TACR3: variants seen among roughly 807,000 people sequenced by gnomAD.
The protein encoded by TACR3 is tachykinin receptor 3.
Under a neutral mutation model 35.0 loss-of-function variants are expected in TACR3, and 34 were observed. The ratio of observed to expected loss-of-function variants is 0.97; its 90% confidence interval spans 0.74 to 1.30. TACR3 has a LOEUF of 1.30. TACR3 is among the 50% of genes most tolerant of loss of function. The pLI is 0.00. For missense variants in TACR3, 558 were observed against 591.7 expected, an observed-to-expected ratio of 0.94 and a Z score of 0.59; for synonymous variants, 233 against 221.1, an observed-to-expected ratio of 1.05 and a Z score of -0.48.
intron 1 of TACR3, among the ~76,000 whole-genome samples, chr4:103,695,572 T>C (rs1722503845): frequency 6.6e-6 from 1 of 152,164 alleles, no homozygotes; most frequent in African/African-American, 2.4e-5. Flanking sequence ...TTTATATTAT[T>C]AGTAAGGCTT....
chr4:103,602,459 CT>C (rs1724231398), intron 3 of TACR3, among the ~76,000 whole-genome samples: 1 of 150,650 alleles, frequency 6.6e-6, no homozygotes, highest in Non-Finnish European at 1.5e-5. Flanking sequence ...AGGAGAGGTG[CT>C]CTGCTTTTTA....
At chr4:103,642,136 A>G (rs2110320268) in intron 3 of TACR3, among the ~76,000 whole-genome samples, 1 of 151,750 alleles carries the variant, frequency 6.6e-6, no homozygotes, top group South Asian at 2.1e-4. Flanking sequence ...TCTCACAACA[A>G]AAAAAGATAA....
intron 3 of TACR3, among the ~76,000 whole-genome samples, chr4:103,611,916 CTT>C (rs1178939436): frequency 4.6e-5 from 7 of 152,112 alleles, no homozygotes; most frequent in African/African-American, 1.7e-4. Flanking sequence ...CAAAATAAGT[CTT>C]ATATCTTTTA....
chr4:103,677,931 G>GA (rs140843607), intron 1 of TACR3, among the ~76,000 whole-genome samples: 22,862 of 146,922 alleles, frequency 0.16, 2,231 homozygotes, highest in East Asian at 0.44. Context: ...GGCATAGAAA[G>GA]AAAAAAAAAA....
chr4:103,684,172 G>A (rs1016001834), intron 1 of TACR3, among the ~76,000 whole-genome samples: 1 of 152,010 alleles, frequency 6.6e-6, no homozygotes, highest in Non-Finnish European at 1.5e-5. Flanking sequence ...AAACAATCAA[G>A]GATGTCCACT....
At chr4:103,618,784 G>A (rs749555731) in intron 3 of TACR3, among the ~76,000 whole-genome samples, 7 of 151,854 alleles carry the variant, frequency 4.6e-5, no homozygotes, top group Non-Finnish European at 7.4e-5. Context: ...GCAGTGTTTT[G>A]TAGTTCTCCT....
chr4:103,638,529 G>A (rs1337787294), intron 3 of TACR3, among the ~76,000 whole-genome samples: 1 of 151,892 alleles, frequency 6.6e-6, no homozygotes, highest in Non-Finnish European at 1.5e-5. Context: ...CATAGGCATG[G>A]GCAAGGACTT....
At chr4:103,608,675 G>A (rs1179332394) in intron 3 of TACR3, among the ~76,000 whole-genome samples, 1 of 152,066 alleles carries the variant, frequency 6.6e-6, no homozygotes. Flanking sequence ...GAATGCTATT[G>A]GAATAAGCCT....
At position 103,719,519 on chromosome 4, in the gene TACR3, A is replaced by G; in HGVS notation, c.157T>C (p.Ser53Pro). 2 of 1,609,528 alleles carry G rather than the reference A, an allele frequency of 1.2e-6. No individual in the cohort carries two copies. The highest frequency in any genetic ancestry group is 1.7e-6 in the Non-Finnish European group (2 of 1,176,416). ...GGCAGTCCCAGCGCGGAAGGGGAGG[A>G]GGAGAGGTTGCCAGCTTGGTCCAGC... ...QLLDQAGNLS[S>P]SPSALGLPVA... is the part of the protein sequence containing the mutation. Residue 53 changes from serine to proline, a missense_variant, in exon 1 of 5, where the codon TCC becomes CCC. Ser to Pro is a moderately conservative substitution (Grantham distance 74). Coordinates refer to ENST00000304883, the MANE Select transcript of TACR3 (RefSeq NM_001059.3).
At chr4:103,635,277 T>G (rs1725161166) in intron 3 of TACR3, among the ~76,000 whole-genome samples, 1 of 151,770 alleles carries the variant, frequency 6.6e-6, no homozygotes, top group Non-Finnish European at 1.5e-5. Context: ...GACAACTAGA[T>G]AGGGCTAAGG....
intron 3 of TACR3, among the ~76,000 whole-genome samples, chr4:103,643,494 T>C (rs995183550): frequency 1.3e-5 from 2 of 151,574 alleles, no homozygotes; most frequent in African/African-American, 4.8e-5. Context: ...TTCTTTGCAG[T>C]TCAAAGTAGT....
chr4:103,591,331 G>T lies in TACR3; in HGVS notation c.1085+156C>A, dbSNP rs73835380. ...GATGCTTTATAAAGTGTGTATGGGG[G>T]TCTTGAAAGATAAAGCCTGTGCCTC... On this transcript the variant is annotated intron_variant, in intron 4 of 4. Coordinates refer to ENST00000304883, the MANE Select transcript of TACR3 (RefSeq NM_001059.3). The T allele has an allele frequency of 0.01, 7,882 of 783,804 alleles. 467 individuals are homozygous for T. In the African/African-American group the frequency reaches 0.12, roughly 12 times the overall value. 48.6% of individuals were successfully genotyped at this position (783,804 alleles called of 1,614,324 possible).
chr4:103,677,216 C>T (rs1424754073), intron 1 of TACR3, among the ~76,000 whole-genome samples: 2 of 152,066 alleles, frequency 1.3e-5, no homozygotes, highest in South Asian at 2.1e-4. Context: ...GCAACAGATG[C>T]TGGTGAGGTT....
chr4:103,710,631 A>T (rs984841865), intron 1 of TACR3, among the ~76,000 whole-genome samples: 2 of 151,922 alleles, frequency 1.3e-5, no homozygotes, highest in Non-Finnish European at 1.5e-5. Context: ...AGGCAAGAAA[A>T]AACTAAGATC....
chr4:103,661,672 A>ATAATTTCTACCTGTTAGAAAT (rs1484329533), intron 1 of TACR3, among the ~76,000 whole-genome samples: 1 of 152,160 alleles, frequency 6.6e-6, no homozygotes, highest in Admixed American at 6.6e-5. Context: ...ATTTTCTGAA[A>ATAATTTCTACCTGTTAGAAAT]TAATTTCTAC....
chr4:103,605,771 G>T (rs1028453144), intron 3 of TACR3, among the ~76,000 whole-genome samples: 65 of 151,442 alleles, frequency 4.3e-4, no homozygotes, highest in African/African-American at 1.5e-3. Context: ...CCATTTTGTA[G>T]GTTGCCTGTT....
At chr4:103,602,540 T>G (rs967856796) in intron 3 of TACR3, among the ~76,000 whole-genome samples, 5 of 152,110 alleles carry the variant, frequency 3.3e-5, no homozygotes, top group African/African-American at 9.7e-5. Context: ...TGATCTTTGA[T>G]GATGGTGACG....
At position 103,658,303 on chromosome 4, in the gene TACR3, G is replaced by C; in HGVS notation, c.649C>G (p.Pro217Ala). The C allele has an allele frequency of 1.2e-6, 2 of 1,613,908 alleles. No individual in the cohort carries two copies. The highest frequency in any genetic ancestry group is 1.7e-6 in the Non-Finnish European group (2 of 1,179,930). Residue 217 changes from proline to alanine, a missense_variant, in exon 2 of 5, where the codon CCT (proline) becomes GCT (alanine). Transcript: ENST00000304883. ...IWILAFLLAF[P>A]QCLYSKTKVM... ...TTGGTTTTGGAATAAAGACACTGAG[G>C]GAAGGCAAGTAGAAATGCTAGAATC...
intron 1 of TACR3, among the ~76,000 whole-genome samples, chr4:103,716,961 TTTTC>T (rs1463221169): frequency 6.6e-6 from 1 of 152,084 alleles, no homozygotes; most frequent in Non-Finnish European, 1.5e-5. Context: ...CTCAGAAAGG[TTTTC>T]TTTAACTTAT....
Sources: gnomAD v4.1 joint callset for allele counts (sites outside exome capture counted in the v4.1 genomes callset) on GRCh38, gnomAD v4.1.1 for gene constraint, MANE v1.5 for transcripts, NCBI Gene and HGNC (gene_info 2026-07-23, HGNC 2026-07-21) for gene names.